The following ARHGAP35 variants were observed in gnomAD, a reference collection of about 807,000 sequenced individuals.
ARHGAP35 encodes the protein Rho GTPase activating protein 35, also known as rho GTPase-activating protein 35.
ARHGAP35 carries 15 observed loss-of-function variants against 111.1 expected under a neutral mutation model. The observed-to-expected ratio is 0.13, with a 90% CI of 0.09 to 0.21. ARHGAP35 has a LOEUF of 0.21. Ranked by LOEUF, ARHGAP35 falls within the 10% of genes least tolerant of loss-of-function variation. The pLI is 1.00. For missense variants in ARHGAP35, 1,262 were observed against 1,873.0 expected (o/e 0.67, Z 6.02); for synonymous variants, 643 against 710.3 (o/e 0.91, Z 1.51).
At chr19:46,977,378 C>T (rs1568485143) in intron 3 of ARHGAP35, among the ~76,000 whole-genome samples, 1 of 152,248 alleles carries the variant, frequency 6.6e-6, no homozygotes, top group Admixed American at 6.5e-5. Context: ...GAGTTGGATG[C>T]TCCAGCCGCT....
rs111802035 is a variant in ARHGAP35, at chr19:46,972,059, G to A, written c.3827-15930G>A. Among the ~76,000 whole-genome samples the A allele has an allele frequency of 6.1e-3, 936 of 152,316 alleles. 6 individuals are homozygous for A. The highest frequency in any genetic ancestry group is 0.02 in the South Asian group (97 of 4,830). ...GAGTCTCGCTCTGTCACCCAGGCTGGAGTGCAGTGGCACAATCTCAGCTCA... is the reference window on the plus strand; with the variant it reads ...GAGTCTCGCTCTGTCACCCAGGCTGAAGTGCAGTGGCACAATCTCAGCTCA... On this transcript the variant is annotated intron_variant, in intron 3 of 6. Transcript: ENST00000672722.
chr19:46,992,697 C>T lies in ARHGAP35; in HGVS notation c.4036+3022C>T, dbSNP rs1362985076. 6.6e-6 allele frequency among the ~76,000 whole-genome samples: 1 copy of T among 152,210 alleles called. No individual in the cohort carries two copies. Among genetic ancestry groups the T allele is most frequent in the Non-Finnish European group, 1.5e-5 (1 of 68,042 alleles). On this transcript the variant is annotated intron_variant, in intron 5 of 6. Transcript: ENST00000672722. The surrounding 1 kb of genome is among the most constrained non-coding windows in gnomAD (Gnocchi z 4.4). Reference sequence around the variant, plus strand: ...CCTGTGGCTCCAGGGTCCGCATTAACTCCCTGTAATAGCTCACAAAATTCA... The same window carrying T: ...CCTGTGGCTCCAGGGTCCGCATTAATTCCCTGTAATAGCTCACAAAATTCA...
chr19:46,980,818 A>C (rs2056616830), intron 3 of ARHGAP35, among the ~76,000 whole-genome samples: 1 of 152,244 alleles, frequency 6.6e-6, no homozygotes, highest in South Asian at 2.1e-4. Flanking sequence ...TCCACTTGCC[A>C]ACCAGCTTTC....
chr19:46,971,069 C>G (rs1176941838), intron 3 of ARHGAP35, among the ~76,000 whole-genome samples: 1 of 152,144 alleles, frequency 6.6e-6, no homozygotes, highest in Non-Finnish European at 1.5e-5. Context: ...GTGGTAGAAC[C>G]TGGCTCCATT....
intron 3 of ARHGAP35, among the ~76,000 whole-genome samples, chr19:46,973,946 A>G (rs1435074159): frequency 6.6e-6 from 1 of 151,908 alleles, no homozygotes; most frequent in Non-Finnish European, 1.5e-5. Context: ...CAGTGAGCCA[A>G]GATTGCGCCA....
chr19:46,983,542 A>G (rs557029337), intron 3 of ARHGAP35, among the ~76,000 whole-genome samples: 2 of 151,902 alleles, frequency 1.3e-5, no homozygotes, highest in East Asian at 1.9e-4. Flanking sequence ...ATTTCAATGA[A>G]TAACAGCTAT....
intron 1 of ARHGAP35, among the ~76,000 whole-genome samples, chr19:46,906,288 G>A (rs2056107405): frequency 6.6e-6 from 1 of 152,172 alleles, no homozygotes; most frequent in African/African-American, 2.4e-5. Context: ...CAGCGTGGGT[G>A]ACAGAGTGAG....
chr19:46,921,087 T>A lies in ARHGAP35; in HGVS notation c.2412T>A (p.Leu804=), dbSNP rs762331167. 3.1e-6 allele frequency: 5 copies of A among 1,613,902 alleles called. No homozygotes were observed. In the South Asian group the frequency reaches 5.5e-5, roughly 18 times the overall value. Residue 804 remains leucine, a synonymous_variant, in exon 2 of 7, where the codon CTT becomes CTA. Coordinates refer to ENST00000672722, the MANE Select transcript of ARHGAP35 (RefSeq NM_004491.5). The surrounding 1 kb of genome is among the most constrained non-coding windows in gnomAD (Gnocchi z 4.3). ...FSADDILFPV[L]QSQTCKSSHC... ...CAGATGACATACTTTTTCCTGTCCT[T>A]CAGTCCCAAACCTGTAAATCTTCCC...
chr19:46,915,606 A>C lies in ARHGAP35; in HGVS notation c.-188-2882A>C, dbSNP rs2056158506. Among the ~76,000 whole-genome samples, 2 of 152,204 alleles carry C rather than the reference A, an allele frequency of 1.3e-5. 1 individual carries two copies. Among genetic ancestry groups the C allele is most frequent in the Admixed American group, 1.3e-4 (2 of 15,280 alleles). ...TCTTATGCAATAGGCTTACAAAAAC[A>C]TAATGAGGTCATGGCAAGCCTAGGT... is the stretch of plus-strand genomic sequence containing the variant. On this transcript the variant is annotated intron_variant, in intron 1 of 6. Coordinates refer to ENST00000672722, the MANE Select transcript of ARHGAP35 (RefSeq NM_004491.5).
At chr19:46,954,073 G>T (rs982782439) in intron 3 of ARHGAP35, among the ~76,000 whole-genome samples, 2 of 152,164 alleles carry the variant, frequency 1.3e-5, no homozygotes, top group African/African-American at 4.8e-5. Context: ...TCCTCCCTCT[G>T]CCATGTGAGG....
chr19:46,875,466 C>T (rs1266760170), intron 1 of ARHGAP35, among the ~76,000 whole-genome samples: 2 of 152,028 alleles, frequency 1.3e-5, no homozygotes, highest in Middle Eastern at 3.2e-3. Context: ...TGAAGTCTGT[C>T]GCCTTTCAGT....
intron 1 of ARHGAP35, among the ~76,000 whole-genome samples, chr19:46,891,425 T>G (rs2056022994): frequency 6.6e-6 from 1 of 151,562 alleles, no homozygotes; most frequent in African/African-American, 2.4e-5. Flanking sequence ...GGGCAAGTTT[T>G]TTTTTTTTGT....
intron 1 of ARHGAP35, among the ~76,000 whole-genome samples, chr19:46,879,668 C>T (rs1478149307): frequency 8.9e-6 from 1 of 112,226 alleles, no homozygotes; most frequent in Admixed American, 8.9e-5. Flanking sequence ...ACTGTAGTCC[C>T]AGCTACTCAG....
chr19:46,985,840 C>T (rs1235824236), intron 3 of ARHGAP35, among the ~76,000 whole-genome samples: 1 of 152,092 alleles, frequency 6.6e-6, no homozygotes, highest in African/African-American at 2.4e-5. Flanking sequence ...GCTTTTAAGC[C>T]AGAGAATTGA....
At chr19:46,958,408 G>T (rs2056454949) in intron 3 of ARHGAP35, among the ~76,000 whole-genome samples, 1 of 151,484 alleles carries the variant, frequency 6.6e-6, no homozygotes, top group African/African-American at 2.4e-5. Flanking sequence ...AAAAGTGTAT[G>T]GTTTAGTGTG....
intron 1 of ARHGAP35, among the ~76,000 whole-genome samples, chr19:46,865,816 C>G (rs2055852693): frequency 6.6e-6 from 1 of 152,216 alleles, no homozygotes; most frequent in Non-Finnish European, 1.5e-5. Flanking sequence ...ACCTGGCAGT[C>G]TAAACAATGT....
chr19:46,888,570 G>A lies in ARHGAP35; in HGVS notation c.-189+27361G>A, dbSNP rs114777827. 2.1e-3 allele frequency among the ~76,000 whole-genome samples: 314 copies of A among 150,906 alleles called. 2 individuals carry two copies. Among genetic ancestry groups the A allele is most frequent in the African/African-American group, 7.4e-3 (305 of 41,210 alleles). Reference sequence around the variant, plus strand: ...GTAAGGCTTATTCTTATATTTCAAGGTCCCAGGGGTCCAATTTAGGAAAAT... The same window carrying A: ...GTAAGGCTTATTCTTATATTTCAAGATCCCAGGGGTCCAATTTAGGAAAAT... On this transcript the variant is annotated intron_variant, in intron 1 of 6. Transcript: ENST00000672722.
intron 1 of ARHGAP35, among the ~76,000 whole-genome samples, chr19:46,914,170 A>G (rs139997065): frequency 6.6e-6 from 1 of 152,364 alleles, no homozygotes; most frequent in Non-Finnish European, 1.5e-5. Context: ...CAAAGCTAAG[A>G]AGAGTATACT....
chr19:46,916,487 T>A (rs1311089271), intron 1 of ARHGAP35, among the ~76,000 whole-genome samples: 1 of 152,142 alleles, frequency 6.6e-6, no homozygotes, highest in Non-Finnish European at 1.5e-5. Context: ...TGGGGACCTT[T>A]TAATATGCTG....
Sources: allele counts gnomAD v4.1 joint callset (sites outside exome capture counted in the v4.1 genomes callset), GRCh38; gene constraint gnomAD v4.1.1; non-coding constraint Gnocchi (gnomAD v3.1); transcripts MANE v1.5; gene names NCBI Gene and HGNC (gene_info 2026-07-23, HGNC 2026-07-21).